The following COL11A1 variants were observed in gnomAD, a reference collection of about 807,000 sequenced individuals.
The protein encoded by COL11A1 is collagen type XI alpha 1 chain.
A neutral mutation model predicts 265.2 loss-of-function variants in COL11A1; 74 were observed. That is an observed-to-expected ratio of 0.28 (90% CI 0.23 to 0.34). COL11A1 has a LOEUF of 0.34. Among genes scored for constraint, COL11A1 ranks in the 10% least tolerant of loss-of-function variants. The probability of loss-of-function intolerance (pLI) is 1.00; values close to 1 mark genes in which losing one functional copy is unlikely to be tolerated. For synonymous variants in COL11A1, 816 were observed against 727.6 expected, an observed-to-expected ratio of 1.12 and a Z score of -1.96; for missense variants, 2,165 against 2,263.6, an observed-to-expected ratio of 0.96 and a Z score of 0.88.
chr1:103,078,781 T>A lies in COL11A1; in HGVS notation c.365A>T (p.His122Leu). The A allele has an allele frequency of 6.2e-7, 1 of 1,612,474 alleles. No homozygotes were observed. Among genetic ancestry groups the A allele is most frequent in the Non-Finnish European group, 8.5e-7 (1 of 1,178,780 alleles). Residue 122 changes from histidine (H) to leucine (L), a missense_variant, in exon 3 of 67, where the codon CAT (histidine) becomes CTT (leucine). His to Leu is a moderately conservative substitution (Grantham distance 99). Transcript: ENST00000370096. The stretch of plus-strand genomic sequence containing the variant: ...CTCAACACCAATTTGCTGAATACCA[T>A]GCTCATTATATATAGATAAAAGGAA... The part of the protein sequence containing the change: ...QSFLLSIYNE[H>L]GIQQIGVEVG...
At chr1:103,033,368 ACTTAT>A (rs1022630259) in intron 4 of COL11A1, among the ~76,000 whole-genome samples, 1 of 151,734 alleles carries the variant, frequency 6.6e-6, no homozygotes, top group Non-Finnish European at 1.5e-5. Flanking sequence ...TTAAAATTTG[ACTTAT>A]CTTATGTTTT....
In COL11A1 at chr1:102,965,518, G is replaced by T. The variant is rs1192133331; in HGVS notation, c.2885C>A (p.Pro962His). ...GETGFQGKTG[P>H]PGPGGVVGPQ... is the part of the protein sequence containing the mutation. Reference sequence around the variant, plus strand: ...TCCAACCACTCCCCCTGGCCCAGGAGGGCCGGTCTTGCCTTGAAATCCCTA... The same window carrying T: ...TCCAACCACTCCCCCTGGCCCAGGATGGCCGGTCTTGCCTTGAAATCCCTA... Residue 962 changes from proline to histidine, a missense_variant, in exon 38 of 67, where the codon CCT becomes CAT. Pro to His is a moderately conservative substitution (Grantham distance 77, BLOSUM62 -2). Transcript: ENST00000370096. The T allele has an allele frequency of 1.2e-6, 2 of 1,613,714 alleles. No homozygotes were observed. The highest frequency in any genetic ancestry group is 3.3e-5 in the Admixed American group (2 of 60,012).
At chr1:102,918,193 T>TA (rs1655572003) in intron 49 of COL11A1, among the ~76,000 whole-genome samples, 1 of 151,710 alleles carries the variant, frequency 6.6e-6, no homozygotes, top group Non-Finnish European at 1.5e-5. Flanking sequence ...CTTCATCACT[T>TA]ATCGTGTAAC....
chr1:103,002,462 C>G lies in COL11A1; in HGVS notation c.2063G>C (p.Gly688Ala). The change falls in exon 23 of 67, where the codon GGG becomes GCG. Residue 688 changes from glycine (G) to alanine (A), a missense_variant. By Grantham distance (60) the Gly-to-Ala change is moderately conservative. Coordinates refer to ENST00000370096, the MANE Select transcript of COL11A1 (RefSeq NM_001854.4). Reference sequence around the variant, plus strand: ...TGGATTCCCTTGTTGACCTGGAGGCCCAGGCTCCCCTTGGGGACCCTGCCA... The same window carrying G: ...TGGATTCCCTTGTTGACCTGGAGGCGCAGGCTCCCCTTGGGGACCCTGCCA... ...KGNMGPQGEP[G>A]PPGQQGNPGP... 1.9e-6 allele frequency: 3 copies of G among 1,609,916 alleles called. No homozygotes were observed. The South Asian group carries it at 3.3e-5, about 18-fold the overall frequency.
intron 54 of COL11A1, among the ~76,000 whole-genome samples, chr1:102,905,297 A>G (rs572618228): frequency 4.5e-4 from 68 of 151,362 alleles, no homozygotes; most frequent in Non-Finnish European, 7.8e-4. Flanking sequence ...TGGGTGCAGC[A>G]CACCAACATG....
chr1:102,920,468 G>A (rs2101067718), intron 48 of COL11A1, 104 bp from the exon 49 acceptor site: 3 of 930,798 alleles, frequency 3.2e-6, no homozygotes, highest in East Asian at 4.9e-5. Flanking sequence ...AGATGCATGA[G>A]TATTCTTAGT....
chr1:102,957,963 C>T (rs1268015167), intron 41 of COL11A1, among the ~76,000 whole-genome samples: 2 of 152,008 alleles, frequency 1.3e-5, no homozygotes, highest in Admixed American at 6.6e-5. Flanking sequence ...TTTCTATTTC[C>T]TTTAGACTTC....
chr1:103,001,337 A>G (rs1292003916), intron 24 of COL11A1: 2 of 395,756 alleles, frequency 5.1e-6, no homozygotes, highest in Non-Finnish European at 8.9e-6. Context: ...ATAATGAAAG[A>G]AAAAAGGTGT....
chr1:102,919,060 G>A (rs1460838217), intron 49 of COL11A1, among the ~76,000 whole-genome samples: 1 of 151,972 alleles, frequency 6.6e-6, no homozygotes, highest in African/African-American at 2.4e-5. Flanking sequence ...CTAATCTGAT[G>A]ATATCCTCAG....
chr1:102,931,360 C>T (rs1034146536), intron 46 of COL11A1, among the ~76,000 whole-genome samples: 5 of 147,394 alleles, frequency 3.4e-5, no homozygotes, highest in African/African-American at 1.2e-4. Context: ...ACCCAGTAGT[C>T]ATTCAGGAGC....
Position 102,877,130 on chromosome 1 carries a change from A to G in COL11A1, c.*889T>C, listed in dbSNP as rs1253303111. On this transcript the variant is annotated 3_prime_UTR_variant, in exon 67 of 67. Transcript: ENST00000370096. ...AACGTAGAAAAAAAGTATACATATGATTGTTTGCTTGACGGAGGCATTGAT... is the reference window on the plus strand; with the variant it reads ...AACGTAGAAAAAAAGTATACATATGGTTGTTTGCTTGACGGAGGCATTGAT... The G allele has an allele frequency of 6.6e-6, 1 of 152,554 alleles. No homozygotes were observed. Among genetic ancestry groups the G allele is most frequent in the Non-Finnish European group, 1.5e-5 (1 of 67,992 alleles). 9.5% of individuals were successfully genotyped at this position (152,554 alleles called of 1,614,324 possible). A position where few individuals can be genotyped will look rare whatever the true frequency, so the allele number is the denominator to read the frequency against.
intron 31 of COL11A1, among the ~76,000 whole-genome samples, chr1:102,981,773 G>C (rs535031971): frequency 2.0e-5 from 3 of 151,930 alleles, no homozygotes; most frequent in Non-Finnish European, 2.9e-5. Flanking sequence ...TTAAAATGCT[G>C]TCTGAAATAT....
chr1:102,916,254 A>G (rs994429379), intron 49 of COL11A1, among the ~76,000 whole-genome samples: 2 of 152,152 alleles, frequency 1.3e-5, no homozygotes, highest in African/African-American at 4.8e-5. Context: ...CATAAATGTG[A>G]TAGCCTTTAT....
intron 3 of COL11A1, among the ~76,000 whole-genome samples, chr1:103,075,373 A>G (rs143371190): frequency 6.6e-6 from 1 of 152,244 alleles, no homozygotes; most frequent in East Asian, 1.9e-4. Flanking sequence ...GTTATAGATC[A>G]CTACTGTAGG....
At chr1:103,006,905 A>G (rs1423746969) in intron 15 of COL11A1, among the ~76,000 whole-genome samples, 1 of 152,046 alleles carries the variant, frequency 6.6e-6, no homozygotes, top group African/African-American at 2.4e-5. Context: ...TTATTCCCCA[A>G]ACCTTGGGGT....
Position 103,025,561 on chromosome 1 carries a change from T to C in COL11A1, c.950A>G (p.Tyr317Cys). The change falls in exon 7 of 67, where the codon TAC (tyrosine) becomes TGC (cysteine). Residue 317 changes from tyrosine (Y) to cysteine (C), a missense_variant. Tyr to Cys is a radical substitution (Grantham distance 194). Transcript: ENST00000370096. ...QEYNYGTMES[Y>C]QTEAPRHVSG... Reference sequence around the variant, plus strand: ...AACATGCCTAGGAGCTTCTGTCTGGTAACTTTCCATTGTTCCATAGTTGTA... The same window carrying C: ...AACATGCCTAGGAGCTTCTGTCTGGCAACTTTCCATTGTTCCATAGTTGTA... The C allele has an allele frequency of 6.2e-7, 1 of 1,613,822 alleles. No homozygotes were observed. Among genetic ancestry groups the C allele is most frequent in the South Asian group, 1.1e-5 (1 of 91,080 alleles).
At chr1:102,974,051 G>A (rs1344446906) in intron 36 of COL11A1, among the ~76,000 whole-genome samples, 1 of 152,158 alleles carries the variant, frequency 6.6e-6, no homozygotes, top group African/African-American at 2.4e-5. Context: ...GATTTGGTCA[G>A]TGGAACATTT....
At position 102,972,527 on chromosome 1, in the gene COL11A1, A is replaced by T. The variant is rs1662064929; in HGVS notation, c.2809-2255T>A. On this transcript the variant is annotated intron_variant, in intron 36 of 66. Transcript: ENST00000370096. ...TTCTTGATTTAAGTATGTACTTCTA[A>T]TATCAAGCAATTAGCCCTAAATAAA... is the stretch of plus-strand genomic sequence containing the variant. 2.0e-5 allele frequency among the ~76,000 whole-genome samples: 3 copies of T among 152,154 alleles called. No homozygotes were observed. In the South Asian group the frequency reaches 6.2e-4, roughly 32 times the overall value.
At chr1:102,977,852 T>C (rs1662653614) in intron 35 of COL11A1, among the ~76,000 whole-genome samples, 1 of 152,150 alleles carries the variant, frequency 6.6e-6, no homozygotes, top group Admixed American at 6.5e-5. Flanking sequence ...TCTTGTGTGT[T>C]ATCTACTCCC....
Sources: allele counts gnomAD v4.1 joint callset (sites outside exome capture counted in the v4.1 genomes callset), GRCh38; gene constraint gnomAD v4.1.1; transcripts MANE v1.5; gene names NCBI Gene and HGNC (gene_info 2026-07-23, HGNC 2026-07-21).